SNAP47: variants seen among roughly 807,000 people sequenced by gnomAD.
SNAP47 encodes the protein synaptosome associated protein 47, also known as synaptosomal-associated protein 47.
SNAP47 carries 20 observed loss-of-function variants against 31.4 expected under a neutral mutation model. That is an observed-to-expected ratio of 0.64 (90% CI 0.45 to 0.93). SNAP47 has a LOEUF of 0.93. SNAP47 is among the 40% of genes least tolerant of loss of function. The probability of loss-of-function intolerance (pLI) is 0.00; values close to 1 mark genes in which losing one functional copy is unlikely to be tolerated. For missense variants in SNAP47, 492 were observed against 528.5 expected, an observed-to-expected ratio of 0.93 and a Z score of 0.68; for synonymous variants, 194 against 213.4, an observed-to-expected ratio of 0.91 and a Z score of 0.79.
intron 4 of SNAP47, chr1:227,775,733 T>G: frequency 7.7e-7 from 1 of 1,295,400 alleles, no homozygotes; most frequent in Non-Finnish European, 1.0e-6. Flanking sequence ...TTTTTTGCCT[T>G]TATAAACAAA....
chr1:227,752,373 A>T (rs1044511762), intron 2 of SNAP47, among the ~76,000 whole-genome samples: 5 of 151,982 alleles, frequency 3.3e-5, no homozygotes, highest in Non-Finnish European at 5.9e-5. Context: ...TCATCCCGTA[A>T]CTGAAGCTGG....
chr1:227,771,052 G>A (rs529467155), intron 4 of SNAP47, among the ~76,000 whole-genome samples: 5 of 152,318 alleles, frequency 3.3e-5, no homozygotes, highest in African/African-American at 1.2e-4. Context: ...GGCACTGAAC[G>A]CAGCACCCAC....
intron 3 of SNAP47, among the ~76,000 whole-genome samples, chr1:227,760,335 T>A (rs2102956054): frequency 6.6e-6 from 1 of 152,316 alleles, no homozygotes. Flanking sequence ...CCCTGGGCAT[T>A]TAATCTAGGT....
intron 1 of SNAP47, among the ~76,000 whole-genome samples, chr1:227,739,157 G>T (rs1661430050): frequency 6.6e-6 from 1 of 152,150 alleles, no homozygotes; most frequent in Non-Finnish European, 1.5e-5. Context: ...ACTCCATTAG[G>T]ATGGTTTTTT....
At chr1:227,780,482 T>A (rs1375772642) in intron 4 of SNAP47, 45 bp from the exon 5 acceptor site, 1 of 1,610,748 alleles carries the variant, frequency 6.2e-7, no homozygotes, top group Non-Finnish European at 8.5e-7. Context: ...GTGCTAGAGT[T>A]TGCAGAGATG....
intron 3 of SNAP47, 103 bp from the exon 4 acceptor site, chr1:227,766,856 C>A: frequency 6.6e-7 from 1 of 1,505,184 alleles, no homozygotes; most frequent in Non-Finnish European, 9.0e-7. Context: ...CGTGTGGTGG[C>A]GGGAGGAACA....
chr1:227,756,470 T>C (rs1313256343), intron 2 of SNAP47, among the ~76,000 whole-genome samples: 1 of 152,206 alleles, frequency 6.6e-6, no homozygotes, highest in African/African-American at 2.4e-5. Context: ...TTTAAGAAAA[T>C]CCCCTGTGCG....
chr1:227,747,605 G>C, intron 1 of SNAP47, 87 bp from the exon 2 acceptor site: 1 of 1,391,162 alleles, frequency 7.2e-7, no homozygotes, highest in Non-Finnish European at 9.8e-7. Context: ...TGAGCCCAGA[G>C]CCGCAGGGGA....
At chr1:227,776,071 C>A (rs1046713061) in intron 4 of SNAP47, 5 of 1,186,114 alleles carry the variant, frequency 4.2e-6, no homozygotes, top group Non-Finnish European at 5.3e-6. Flanking sequence ...TTTCTTTGTT[C>A]AGGTTGTGCC....
intron 1 of SNAP47, among the ~76,000 whole-genome samples, chr1:227,740,936 G>A (rs537805773): frequency 1.3e-5 from 2 of 148,194 alleles, no homozygotes; most frequent in Non-Finnish European, 2.9e-5. Flanking sequence ...GTTAGGGGTG[G>A]GGGCAGATGC....
At chr1:227,738,805 G>A (rs576457123) in intron 1 of SNAP47, among the ~76,000 whole-genome samples, 16 of 152,302 alleles carry the variant, frequency 1.1e-4, no homozygotes, top group Non-Finnish European at 2.2e-4. Flanking sequence ...TGAAATTCAG[G>A]TGGGCATTGC....
upstream of SNAP47, chr1:227,733,652 G>C: frequency 1.2e-6 from 2 of 1,603,058 alleles, no homozygotes; most frequent in Non-Finnish European, 1.7e-6. Context: ...CCAGCTGAAG[G>C]AGCGGAAGAT....
chr1:227,738,641 G>T (rs1008254341), intron 1 of SNAP47, among the ~76,000 whole-genome samples: 5 of 152,148 alleles, frequency 3.3e-5, no homozygotes, highest in Non-Finnish European at 5.9e-5. Flanking sequence ...AATTGATCTT[G>T]CCACATATTG....
At chr1:227,733,867 C>T (rs370146216), upstream of SNAP47, 12 of 1,610,504 alleles carry the variant, frequency 7.5e-6, no homozygotes, top group Non-Finnish European at 8.5e-6. Flanking sequence ...GTTCTGTCAC[C>T]AGGCCCCTTC....
chr1:227,770,764 T>G (rs1222039261), intron 4 of SNAP47: 2 of 153,402 alleles, frequency 1.3e-5, no homozygotes, highest in African/African-American at 4.8e-5. Context: ...TCCCTAGTAC[T>G]TGAAATAAGG....
chr1:227,729,550 C>T (rs553024016), intron 1 of SNAP47, among the ~76,000 whole-genome samples: 28 of 152,272 alleles, frequency 1.8e-4, no homozygotes, highest in Admixed American at 9.1e-4. Context: ...TTGGATGTGG[C>T]TCTCAGGGAT....
chr1:227,730,319 G>A (rs1428162951), upstream of SNAP47: 1 of 152,208 alleles, frequency 6.6e-6, no homozygotes, highest in African/African-American at 2.4e-5. Flanking sequence ...AGGATCCCAG[G>A]GCGGCATACT....
intron 1 of SNAP47, chr1:227,735,826 G>A: frequency 1.4e-6 from 1 of 701,482 alleles, no homozygotes; most frequent in Non-Finnish European, 1.8e-6. Context: ...TGGAGAGGAC[G>A]GTGGCACTTG....
chr1:227,732,967 GCC>G (rs766416961), upstream of SNAP47: 3 of 1,613,236 alleles, frequency 1.9e-6, no homozygotes, highest in Non-Finnish European at 2.5e-6. Flanking sequence ...TGCAAGAAGC[GCC>G]ACATGTTGGC....
Sources: allele counts gnomAD v4.1 joint callset (sites outside exome capture counted in the v4.1 genomes callset), GRCh38; gene constraint gnomAD v4.1.1; transcripts MANE v1.5; gene names NCBI Gene and HGNC (gene_info 2026-07-23, HGNC 2026-07-21).